Variants in PARP8 observed in about 807,000 individuals in gnomAD.
PARP8 encodes protein mono-ADP-ribosyltransferase PARP8.
Under a neutral mutation model 124.1 loss-of-function variants are expected in PARP8, and 51 were observed. The ratio of observed to expected loss-of-function variants is 0.41; its 90% CI spans 0.33 to 0.52. PARP8 has a LOEUF of 0.52. Among genes scored for constraint, PARP8 ranks in the 20% least tolerant of loss-of-function variants. PARP8 has a pLI of 0.21. For missense variants in PARP8, 860 were observed against 1,018.9 expected, an observed-to-expected ratio of 0.84 and a Z score of 2.12; for synonymous variants, 391 against 361.5, an observed-to-expected ratio of 1.08 and a Z score of -0.93.
intron 9 of PARP8, among the ~76,000 whole-genome samples, chr5:50,787,160 C>G (rs545433844): frequency 6.6e-6 from 1 of 152,104 alleles, no homozygotes; most frequent in Non-Finnish European, 1.5e-5. Context: ...TGTCCACTCT[C>G]CTAGAAGTGT....
intron 14 of PARP8, among the ~76,000 whole-genome samples, chr5:50,812,124 A>C (rs771143145): frequency 3.3e-5 from 5 of 152,194 alleles, no homozygotes; most frequent in Non-Finnish European, 7.3e-5. Flanking sequence ...TCGCTGAGTC[A>C]AATGGTATTT....
chr5:50,805,140 T>G (rs143475438), intron 14 of PARP8, among the ~76,000 whole-genome samples: 263 of 152,274 alleles, frequency 1.7e-3, no homozygotes, highest in African/African-American at 6.0e-3. Flanking sequence ...CTCACTCAGC[T>G]TTTTTGCTGA....
intron 2 of PARP8, among the ~76,000 whole-genome samples, chr5:50,680,885 C>G (rs1401523880): frequency 6.6e-6 from 1 of 152,072 alleles, no homozygotes; most frequent in Non-Finnish European, 1.5e-5. Context: ...TTCATAAAAT[C>G]GATGCACTGT....
intron 17 of PARP8, among the ~76,000 whole-genome samples, chr5:50,822,967 G>A (rs1267813057): frequency 1.3e-5 from 2 of 152,174 alleles, no homozygotes; most frequent in African/African-American, 2.4e-5. Context: ...CCAGCATTTG[G>A]AAAAGCACAC....
chr5:50,813,308 C>T (rs1302611014), intron 14 of PARP8, among the ~76,000 whole-genome samples: 1 of 152,162 alleles, frequency 6.6e-6, no homozygotes, highest in African/African-American at 2.4e-5. Flanking sequence ...AGGTCCTTCA[C>T]ATCCCTTGTA....
chr5:50,811,382 G>C (rs1744420242), intron 14 of PARP8, among the ~76,000 whole-genome samples: 2 of 152,020 alleles, frequency 1.3e-5, no homozygotes, highest in South Asian at 4.1e-4. Context: ...AGGAAATAGA[G>C]AGGTCTCGGT....
chr5:50,781,313 T>A (rs1353165181), intron 9 of PARP8, among the ~76,000 whole-genome samples: 2 of 151,812 alleles, frequency 1.3e-5, no homozygotes, highest in African/African-American at 4.8e-5. Context: ...TCGTTTTGAA[T>A]TTTGTTGTGA....
intron 6 of PARP8, 142 bp from the exon 7 acceptor site, chr5:50,763,006 T>G (rs1760713194): frequency 1.8e-6 from 1 of 555,294 alleles, no homozygotes; most frequent in African/African-American, 1.9e-5. Context: ...TATGTGAACC[T>G]AAGGATATTA....
Position 50,828,004 on chromosome 5 carries a change from G to A in PARP8, c.2038G>A (p.Glu680Lys). 1 of 1,613,828 alleles carries A rather than the reference G, an allele frequency of 6.2e-7. No individual in the cohort carries two copies. The highest frequency in any genetic ancestry group is 8.5e-7 in the Non-Finnish European group (1 of 1,179,840). ...FLLLSSPPAK[E>K]SNFRAAKKLF... Reference sequence around the variant, plus strand: ...TCTTCTCAGCAGTCCACCAGCCAAAGAATCCAATTTTAGAGCTGCTAAAAA... The same window carrying A: ...TCTTCTCAGCAGTCCACCAGCCAAAAAATCCAATTTTAGAGCTGCTAAAAA... The change falls in exon 20 of 26, where the codon GAA becomes AAA. Residue 680 changes from glutamate to lysine, a missense_variant. This residue lies in a region of PARP8 where 343 missense variants were observed against 474.7 expected (regional missense o/e 0.72). Coordinates refer to ENST00000281631, the MANE Select transcript of PARP8 (RefSeq NM_024615.4).
At chr5:50,834,774 T>A in intron 24 of PARP8, 157 bp from the exon 25 acceptor site, 1 of 683,636 alleles carries the variant, frequency 1.5e-6, no homozygotes, top group Non-Finnish European at 2.6e-6. Flanking sequence ...TTTTTATCTA[T>A]ATTTCTTCAT....
intron 2 of PARP8, among the ~76,000 whole-genome samples, chr5:50,677,509 A>T (rs1750771278): frequency 6.6e-6 from 1 of 152,170 alleles, no homozygotes; most frequent in Admixed American, 6.5e-5. Flanking sequence ...TCGTTATGGG[A>T]AAACCAGCCT....
rs759840540 is a variant in PARP8, at chr5:50,797,222, C to G, written c.1564C>G (p.Pro522Ala). The stretch of plus-strand genomic sequence containing the variant: ...TGAGCCACATGTGTTTCAAAATGGC[C>G]CTATGCTTAGGGTAAGTTCTTGCTG... ...CDEPHVFQNG[P>A]MLRPTVCERE... The change falls in exon 14 of 26, where the codon CCT becomes GCT. Residue 522 changes from proline to alanine, a missense_variant. Coordinates refer to ENST00000281631, the MANE Select transcript of PARP8 (RefSeq NM_024615.4). The G allele has an allele frequency of 1.2e-6, 2 of 1,606,988 alleles. No homozygotes were observed. Among genetic ancestry groups the G allele is most frequent in the South Asian group, 2.2e-5 (2 of 90,252 alleles).
chr5:50,725,431 T>C (rs1359159527), intron 2 of PARP8, among the ~76,000 whole-genome samples: 1 of 152,256 alleles, frequency 6.6e-6, no homozygotes, highest in East Asian at 1.9e-4. Context: ...TCATCTGTAC[T>C]TGTAGCAAGA....
intron 14 of PARP8, among the ~76,000 whole-genome samples, chr5:50,811,857 C>T (rs113265009): frequency 1.1e-4 from 17 of 152,158 alleles, no homozygotes; most frequent in Non-Finnish European, 1.6e-4. Context: ...TCTGTCTTTG[C>T]GATAGTTTGC....
intron 21 of PARP8, among the ~76,000 whole-genome samples, chr5:50,828,893 A>G (rs1746638857): frequency 6.6e-6 from 1 of 151,748 alleles, no homozygotes; most frequent in African/African-American, 2.4e-5. Flanking sequence ...TCTCAACAAC[A>G]AAAAAAGAAA....
chr5:50,701,420 G>A (rs1272292995), intron 2 of PARP8, among the ~76,000 whole-genome samples: 2 of 151,962 alleles, frequency 1.3e-5, no homozygotes, highest in Non-Finnish European at 2.9e-5. Flanking sequence ...TGGTTATCTG[G>A]GGATAAAGTT....
intron 18 of PARP8, among the ~76,000 whole-genome samples, chr5:50,826,423 G>A (rs1262060253): frequency 6.6e-6 from 1 of 152,026 alleles, no homozygotes; most frequent in African/African-American, 2.4e-5. Context: ...GCTCTTATTT[G>A]TATTTGGATT....
chr5:50,709,975 C>A (rs1318346931), intron 2 of PARP8, among the ~76,000 whole-genome samples: 1 of 144,914 alleles, frequency 6.9e-6, no homozygotes, highest in South Asian at 2.1e-4. Context: ...TATATACACA[C>A]ACACACATAT....
chr5:50,708,352 C>T (rs749935446), intron 2 of PARP8, among the ~76,000 whole-genome samples: 2 of 151,950 alleles, frequency 1.3e-5, no homozygotes, highest in Non-Finnish European at 2.9e-5. Flanking sequence ...TCTTGTTTTA[C>T]TGAAACATAG....
Sources: gnomAD v4.1 joint callset for allele counts (sites outside exome capture counted in the v4.1 genomes callset) on GRCh38, gnomAD v4.1.1 for gene constraint, gnomAD v4.1.1 regional missense constraint, MANE v1.5 for transcripts, NCBI Gene and HGNC (gene_info 2026-07-23, HGNC 2026-07-21) for gene names.